The following EBF4 variants were observed in gnomAD, a reference collection of about 807,000 sequenced individuals.
EBF4 encodes transcription factor COE4.
Under a neutral mutation model 67.1 loss-of-function variants are expected in EBF4, and 34 were observed. That is an observed-to-expected ratio of 0.51 (90% CI 0.39 to 0.67). The LOEUF is 0.67. Ranked by LOEUF, EBF4 falls within the 30% of genes least tolerant of loss-of-function variation. The pLI, the probability that EBF4 is intolerant of heterozygous loss-of-function variation, is 0.00. For missense variants in EBF4, 837 were observed against 873.3 expected (o/e 0.96, Z 0.52); for synonymous variants, 387 against 377.7 (o/e 1.02, Z -0.29).
rs1231377692 is a variant in EBF4, at chr20:2,756,700, A to C, written c.1738+876A>C. 2.6e-5 allele frequency among the ~76,000 whole-genome samples: 4 copies of C among 152,232 alleles called. No individual in the cohort carries two copies. The highest frequency in any genetic ancestry group is 4.4e-5 in the Non-Finnish European group (3 of 68,044). ...AAGGGCACCGTTCACACCCACACAG[A>C]AGGCTGCAGTGCAGTTTGTGGGGCA... is the stretch of plus-strand genomic sequence containing the variant. On this transcript the variant is annotated intron_variant, in intron 15 of 16. Coordinates refer to ENST00000609451, the Ensembl canonical transcript of EBF4. The surrounding 1 kb of genome is among the most constrained non-coding windows in gnomAD (Gnocchi z 4.5).
At position 2,755,756 on chromosome 20, in the gene EBF4, C is replaced by T; in HGVS notation, c.1670C>T (p.Ala557Val). The stretch of plus-strand genomic sequence containing the variant: ...GCCGTCAAACAGAGGAGCGCCTTCG[C>T]CCCCGTGCTGCGCCCCCCAAGCTCC... Residue 557 changes from alanine (A) to valine (V), a missense_variant, in exon 15 of 17, where the codon GCC (alanine) becomes GTC (valine). By Grantham distance (64) the Ala-to-Val change is moderately conservative. Transcript: ENST00000609451. The surrounding 1 kb of genome is among the most constrained non-coding windows in gnomAD (Gnocchi z 4.7). 1 of 1,550,680 alleles carries T rather than the reference C, an allele frequency of 6.4e-7. No homozygotes were observed. Among genetic ancestry groups the T allele is most frequent in the East Asian group, 2.4e-5 (1 of 40,900 alleles).
rs566006616 is a variant in EBF4, at chr20:2,749,363, G to A, written c.640-38G>A. ...CCACATTCCCCTCCCGGGAGCCCCC[G>A]AGGGCCCCAGCCAGGCTGGCCTCGG... On this transcript the variant is annotated intron_variant, in intron 7 of 16. Coordinates refer to ENST00000609451, the Ensembl canonical transcript of EBF4. 3.6e-5 allele frequency: 54 copies of A among 1,482,374 alleles called. No individual in the cohort carries two copies. The South Asian group carries it at 6.0e-4, about 16-fold the overall frequency. 91.8% of individuals were successfully genotyped at this position (1,482,374 alleles called of 1,614,324 possible). A position where few individuals can be genotyped will look rare whatever the true frequency, so the allele number is the denominator to read the frequency against.
intron 1 of EBF4, 113 bp from the exon 2 acceptor site, chr20:2,705,464 C>A (rs1405197316): frequency 6.1e-6 from 9 of 1,464,786 alleles, no homozygotes; most frequent in South Asian, 2.5e-5. Context: ...TTTGCCCAAA[C>A]TCTTGGCATC....
rs908775915 is a variant in EBF4, at chr20:2,758,706, G to A, written c.1739-203G>A. The A allele has an allele frequency of 1.3e-5, 8 of 602,814 alleles. No individual in the cohort carries two copies. In the African/African-American group the frequency reaches 1.5e-4, roughly 11 times the overall value. 37.3% of individuals were successfully genotyped at this position (602,814 alleles called of 1,614,324 possible). On this transcript the variant is annotated intron_variant, in intron 15 of 16. Coordinates refer to ENST00000609451, the Ensembl canonical transcript of EBF4. ...CTCTCTTGAGGGAGGTAGGGAGCAA[G>A]GGCGTGGGCTGCATCCCCTGAGCAT...
chr20:2,720,892 A>C (rs959566248), intron 6 of EBF4, among the ~76,000 whole-genome samples: 4 of 152,158 alleles, frequency 2.6e-5, no homozygotes, highest in African/African-American at 9.7e-5. Context: ...TTGGTTTGTA[A>C]GATGTCGCTC....
intron 6 of EBF4, among the ~76,000 whole-genome samples, chr20:2,730,530 G>C (rs929383511): frequency 3.3e-5 from 5 of 152,116 alleles, no homozygotes; most frequent in African/African-American, 1.2e-4. Context: ...ACTTTTGGGG[G>C]GGCCACCATT....
rs921988105 is a variant in EBF4 at position 2,708,124 on chromosome 20, G to A, written c.488+104G>A. The A allele has an allele frequency of 4.0e-5, 48 of 1,201,640 alleles. No individual in the cohort carries two copies. The African/African-American group carries it at 6.3e-4, about 16-fold the overall frequency. 74.4% of individuals were successfully genotyped at this position (1,201,640 alleles called of 1,614,324 possible). ...CCGCCCTTGCCCCTGGCTGCTCTCT[G>A]CTGCTGCTCCCTGGAGAAGCCTGGT... is the stretch of plus-strand genomic sequence containing the variant. On this transcript the variant is annotated intron_variant, in intron 5 of 16. Transcript: ENST00000609451.
intron 6 of EBF4, among the ~76,000 whole-genome samples, chr20:2,717,065 A>G (rs1009260233): frequency 3.3e-5 from 5 of 152,226 alleles, no homozygotes; most frequent in Non-Finnish European, 7.3e-5. Context: ...TCTTTATGCT[A>G]CTGAGTCTTC....
rs920104533 is a variant in EBF4 at position 2,751,336 on chromosome 20, A to C, written c.1019-364A>C. Among the ~76,000 whole-genome samples the C allele has an allele frequency of 1.3e-5, 2 of 152,212 alleles. No homozygotes were observed. Among genetic ancestry groups the C allele is most frequent in the Non-Finnish European group, 2.9e-5 (2 of 68,040 alleles). On this transcript the variant is annotated intron_variant, in intron 10 of 16. Transcript: ENST00000609451. The surrounding 1 kb of genome is among the most constrained non-coding windows in gnomAD (Gnocchi z 5.2). The stretch of plus-strand genomic sequence containing the variant: ...TTTATAATAAACTCCTGATTTGACC[A>C]GATGAAAAGAGAAAACTCTCCATCG...
intron 6 of EBF4, among the ~76,000 whole-genome samples, chr20:2,711,973 G>T (rs1329329316): frequency 2.0e-5 from 3 of 152,208 alleles, no homozygotes; most frequent in Admixed American, 6.5e-5. Context: ...AATATTCTCG[G>T]CAAGAGTGTG....
rs1199057523 is a variant in EBF4 at position 2,756,315 on chromosome 20, G to A, written c.1738+491G>A. On this transcript the variant is annotated intron_variant, in intron 15 of 16. Transcript: ENST00000609451. This position sits in a 1 kb window ranked among gnomAD's most constrained non-coding sequence, Gnocchi z 4.5. ...CCCCGCATTTTACAGATTAGGACTTGAGACCAAGTCATCTTCCCACATCCC... is the reference window on the plus strand; with the variant it reads ...CCCCGCATTTTACAGATTAGGACTTAAGACCAAGTCATCTTCCCACATCCC... Among the ~76,000 whole-genome samples, 1 of 152,238 alleles carries A rather than the reference G, an allele frequency of 6.6e-6. No individual in the cohort carries two copies. The highest frequency in any genetic ancestry group is 2.1e-4 in the South Asian group (1 of 4,836).
intron 6 of EBF4, among the ~76,000 whole-genome samples, chr20:2,737,153 G>C (rs1433031635): frequency 6.6e-6 from 1 of 151,650 alleles, no homozygotes; most frequent in Non-Finnish European, 1.5e-5. Flanking sequence ...GGGAGGCTGA[G>C]GCAGGAGAAT....
chr20:2,700,356 G>A (rs2087356212), intron 1 of EBF4, among the ~76,000 whole-genome samples: 1 of 152,016 alleles, frequency 6.6e-6, no homozygotes, highest in Non-Finnish European at 1.5e-5. Flanking sequence ...GCCTCTCCAG[G>A]CTTCAGAGGC....
intron 6 of EBF4, among the ~76,000 whole-genome samples, chr20:2,735,315 C>A (rs903932589): frequency 6.6e-6 from 1 of 152,184 alleles, no homozygotes; most frequent in Non-Finnish European, 1.5e-5. Context: ...TGCTAGTTTT[C>A]ACAACTACAA....
At chr20:2,723,746 T>G (rs1020663085) in intron 6 of EBF4, among the ~76,000 whole-genome samples, 1 of 151,652 alleles carries the variant, frequency 6.6e-6, no homozygotes, top group Non-Finnish European at 1.5e-5. Flanking sequence ...AGATTATATT[T>G]TTTTCAATTT....
At chr20:2,699,953 C>T (rs932083014) in intron 1 of EBF4, among the ~76,000 whole-genome samples, 1 of 152,216 alleles carries the variant, frequency 6.6e-6, no homozygotes. Flanking sequence ...GGCTCTGCCT[C>T]CCCTGCTGTT....
chr20:2,752,474 G>C lies in EBF4; in HGVS notation c.1469G>C (p.Gly490Ala), dbSNP rs987531918. The C allele has an allele frequency of 7.9e-6, 10 of 1,265,888 alleles. No individual in the cohort carries two copies. In the African/African-American group the frequency reaches 1.4e-4, roughly 18 times the overall value. 78.4% of individuals were successfully genotyped at this position (1,265,888 alleles called of 1,614,324 possible). A position where few individuals can be genotyped will look rare whatever the true frequency, so the allele number is the denominator to read the frequency against. ...GGCCTGGGCGGCTACGGCGCGCCGG[G>C]CGTGGCCGGCCTCGGCGTGCCTGGG... The change falls in exon 14 of 17, where the codon GGC becomes GCC. Residue 490 changes from glycine (G) to alanine (A), a missense_variant. Around this residue, in one of 3 missense-constraint regions of EBF4, gnomAD observed 525 missense variants for 496.5 expected, o/e 1.06. Coordinates refer to ENST00000609451, the Ensembl canonical transcript of EBF4.
chr20:2,712,200 T>C (rs2087553535), intron 6 of EBF4, among the ~76,000 whole-genome samples: 1 of 152,162 alleles, frequency 6.6e-6, no homozygotes, highest in Non-Finnish European at 1.5e-5. Context: ...ACCTGCCTTA[T>C]ATTTTAGCAA....
At chr20:2,748,769 C>T in intron 7 of EBF4, 139 bp downstream of exon 7, 2 of 993,986 alleles carry the variant, frequency 2.0e-6, no homozygotes, top group East Asian at 2.7e-5. Context: ...TGTGCCTCCC[C>T]AGCCTGGTTG....
Sources: gnomAD v4.1 joint callset for allele counts (sites outside exome capture counted in the v4.1 genomes callset) on GRCh38, gnomAD v4.1.1 for gene constraint, gnomAD v4.1.1 regional missense constraint, Gnocchi (gnomAD v3.1) non-coding constraint, MANE v1.5 for transcripts, NCBI Gene and HGNC (gene_info 2026-07-23, HGNC 2026-07-21) for gene names.